CFAP299: variants seen among roughly 807,000 people sequenced by gnomAD.
CFAP299 encodes the protein cilia and flagella associated protein 299.
In CFAP299, 21 loss-of-function variants were observed where a neutral mutation model predicts 27.0. That is an observed-to-expected ratio of 0.78 (90% CI 0.55 to 1.12). The LOEUF (loss-of-function observed/expected upper bound fraction) is 1.12. Among genes scored for constraint, CFAP299 ranks in the 50% most tolerant of loss-of-function variants. The probability of loss-of-function intolerance (pLI) is 0.00; values close to 1 mark genes in which losing one functional copy is unlikely to be tolerated. For synonymous variants in CFAP299, 104 were observed against 98.1 expected (o/e 1.06, Z -0.36); for missense variants, 310 against 276.6 (o/e 1.12, Z -0.86).
At chr4:80,759,139 A>T (rs1023990776) in intron 3 of CFAP299, among the ~76,000 whole-genome samples, 1 of 152,184 alleles carries the variant, frequency 6.6e-6, no homozygotes, top group Non-Finnish European at 1.5e-5. Context: ...TTTTTCCAGC[A>T]TGGTTCAAAT....
At chr4:80,697,971 G>T (rs1392781668) in intron 3 of CFAP299, among the ~76,000 whole-genome samples, 1 of 152,080 alleles carries the variant, frequency 6.6e-6, no homozygotes, top group Non-Finnish European at 1.5e-5. Context: ...TCAAACCAAG[G>T]ATAGACATTC....
intron 3 of CFAP299, among the ~76,000 whole-genome samples, chr4:80,688,449 G>C (rs532360202): frequency 2.0e-5 from 3 of 151,968 alleles, no homozygotes; most frequent in East Asian, 1.9e-4. Flanking sequence ...TCACACAGCC[G>C]GCCGGGTACT....
intron 2 of CFAP299, among the ~76,000 whole-genome samples, chr4:80,504,136 G>C (rs1731878853): frequency 6.6e-6 from 1 of 151,856 alleles, no homozygotes. Flanking sequence ...GGCTTGGTTT[G>C]GGAGGTTATG....
chr4:80,581,693 A>G lies in CFAP299; in HGVS notation c.243-1400A>G, dbSNP rs540859946. ...TTCCCAAATCTATCATTTCCTTCCT[A>G]TCCTTACCATCACTTCTTTAAATCA... On this transcript the variant is annotated intron_variant, in intron 2 of 5. Transcript: ENST00000358105. Among the ~76,000 whole-genome samples the G allele has an allele frequency of 1.4e-3, 219 of 151,560 alleles. 1 individual carries two copies. The South Asian group carries it at 0.015, about 11-fold the overall frequency.
intron 4 of CFAP299, among the ~76,000 whole-genome samples, chr4:80,884,771 A>G (rs1247240692): frequency 6.6e-6 from 1 of 152,094 alleles, no homozygotes. Flanking sequence ...GAGAGGGTGG[A>G]GCAAGATGGC....
intron 3 of CFAP299, among the ~76,000 whole-genome samples, chr4:80,662,906 A>C (rs1394923617): frequency 1.3e-5 from 2 of 152,134 alleles, no homozygotes; most frequent in Admixed American, 1.3e-4. Flanking sequence ...CAAGTGCTGC[A>C]AAAGCCTCAT....
chr4:80,909,363 G>A (rs774731209), intron 4 of CFAP299, among the ~76,000 whole-genome samples: 2 of 151,784 alleles, frequency 1.3e-5, no homozygotes, highest in Non-Finnish European at 2.9e-5. Context: ...ATTAAAAATT[G>A]TAATTTAATT....
chr4:80,506,804 A>G (rs72874070), intron 2 of CFAP299, among the ~76,000 whole-genome samples: 12,205 of 152,220 alleles, frequency 0.08, 564 homozygotes, highest in Non-Finnish European at 0.094. Context: ...AGAGAATAAC[A>G]GAGAGATAGG....
intron 4 of CFAP299, among the ~76,000 whole-genome samples, chr4:80,920,717 C>A (rs1229221240): frequency 2.0e-5 from 3 of 152,100 alleles, no homozygotes; most frequent in African/African-American, 7.2e-5. Context: ...CCACTTCCTG[C>A]AACTGGAAGG....
At chr4:80,363,341 T>A (rs1297766142) in intron 2 of CFAP299, among the ~76,000 whole-genome samples, 2 of 152,172 alleles carry the variant, frequency 1.3e-5, no homozygotes, top group Non-Finnish European at 2.9e-5. Flanking sequence ...GTATATAATA[T>A]GTGGTTATAT....
chr4:80,379,971 A>T lies in CFAP299; in HGVS notation c.242+17087A>T, dbSNP rs148879094. Reference sequence around the variant, plus strand: ...CTGTATCCTTACTGATTTCCTGTCTACTTATTCTAGCTATTACTTAGAGAT... The same window carrying T: ...CTGTATCCTTACTGATTTCCTGTCTTCTTATTCTAGCTATTACTTAGAGAT... On this transcript the variant is annotated intron_variant, in intron 2 of 5. Coordinates refer to ENST00000358105, the MANE Select transcript of CFAP299 (RefSeq NM_152770.3). Among the ~76,000 whole-genome samples the T allele has an allele frequency of 3.4e-4, 52 of 152,220 alleles. No individual in the cohort carries two copies. The East Asian group carries it at 9.5e-3, about 28-fold the overall frequency.
intron 2 of CFAP299, among the ~76,000 whole-genome samples, chr4:80,553,864 T>A (rs1270408711): frequency 1.3e-5 from 2 of 152,170 alleles, no homozygotes; most frequent in African/African-American, 4.8e-5. Context: ...TAAATTTGTT[T>A]AAGTTCCTTA....
chr4:80,813,345 T>A (rs759508756), intron 3 of CFAP299, among the ~76,000 whole-genome samples: 12 of 151,848 alleles, frequency 7.9e-5, no homozygotes, highest in Non-Finnish European at 1.8e-4. Context: ...GAAAGGAAAA[T>A]TTTCACAAAC....
intron 2 of CFAP299, among the ~76,000 whole-genome samples, chr4:80,504,207 T>C (rs1731881846): frequency 6.6e-6 from 1 of 151,128 alleles, no homozygotes. Flanking sequence ...GGATATGAAG[T>C]TGGTGGTAGA....
At chr4:80,848,775 C>A (rs1485396112) in intron 3 of CFAP299, among the ~76,000 whole-genome samples, 3 of 151,500 alleles carry the variant, frequency 2.0e-5, no homozygotes, top group African/African-American at 7.3e-5. Context: ...TACCCTGTCT[C>A]AAAAAAACAA....
intron 2 of CFAP299, among the ~76,000 whole-genome samples, chr4:80,435,781 C>A (rs111300107): frequency 6.6e-6 from 1 of 152,144 alleles, no homozygotes; most frequent in African/African-American, 2.4e-5. Context: ...ATGTCACAGT[C>A]CAGGGACTAC....
At chr4:80,709,244 G>T (rs555152012) in intron 3 of CFAP299, among the ~76,000 whole-genome samples, 5 of 152,134 alleles carry the variant, frequency 3.3e-5, no homozygotes, top group African/African-American at 1.2e-4. Context: ...TAAAGGATGT[G>T]GCTTCTTTGA....
chr4:80,693,446 A>C (rs1164591885), intron 3 of CFAP299, among the ~76,000 whole-genome samples: 1 of 150,896 alleles, frequency 6.6e-6, no homozygotes, highest in Admixed American at 6.6e-5. Context: ...CTATCGCAAG[A>C]ACAAAAAACC....
intron 4 of CFAP299, among the ~76,000 whole-genome samples, chr4:80,939,465 C>T (rs1159303570): frequency 1.3e-5 from 2 of 149,692 alleles, no homozygotes; most frequent in African/African-American, 5.0e-5. Flanking sequence ...TTGCAGCTCT[C>T]TGTTGATTTT....
Sources: gnomAD v4.1 joint callset for allele counts (sites outside exome capture counted in the v4.1 genomes callset) on GRCh38, gnomAD v4.1.1 for gene constraint, MANE v1.5 for transcripts, NCBI Gene and HGNC (gene_info 2026-07-23, HGNC 2026-07-21) for gene names.